GCNT1: variants seen among roughly 807,000 people sequenced by gnomAD.
GCNT1 encodes the protein beta-1,3-galactosyl-O-glycosyl-glycoprotein beta-1,6-N-acetylglucosaminyltransferase.
A neutral mutation model predicts 26.2 loss-of-function variants in GCNT1; 16 were observed. That is an observed-to-expected ratio of 0.61 (90% CI 0.41 to 0.93). GCNT1 has a LOEUF of 0.93. Ranked by LOEUF, GCNT1 falls within the 40% of genes least tolerant of loss-of-function variation. The probability of loss-of-function intolerance (pLI) is 0.00; values close to 1 mark genes in which losing one functional copy is unlikely to be tolerated. For synonymous variants in GCNT1, 183 were observed against 190.8 expected, an observed-to-expected ratio of 0.96 and a Z score of 0.34; for missense variants, 477 against 526.7, an observed-to-expected ratio of 0.91 and a Z score of 0.92.
At chr9:76,427,871 AG>A (rs1375814848) in intron 1 of GCNT1, among the ~76,000 whole-genome samples, 1 of 152,110 alleles carries the variant, frequency 6.6e-6, no homozygotes, top group Non-Finnish European at 1.5e-5. Flanking sequence ...AGTCCCAGAT[AG>A]TTGGGAGGCT....
upstream of GCNT1, among the ~76,000 whole-genome samples, chr9:76,441,077 A>AAAAAAAAC (rs1733488453): frequency 6.6e-6 from 1 of 151,120 alleles, no homozygotes; most frequent in African/African-American, 2.4e-5. Flanking sequence ...AAAAAAACAA[A>AAAAAAAAC]AAAACCTATG....
the GCNT1 span, among the ~76,000 whole-genome samples, chr9:76,401,680 G>A: frequency 1.3e-5 from 2 of 152,132 alleles, no homozygotes; most frequent in South Asian, 2.1e-4. Context: ...AGATGCCCAG[G>A]GAATGAATAA....
the GCNT1 span, among the ~76,000 whole-genome samples, chr9:76,396,265 C>T: frequency 2.0e-4 from 31 of 152,294 alleles, no homozygotes; most frequent in Non-Finnish European, 4.0e-4. Context: ...GTAATCCTCT[C>T]ATCAGCTTTG....
intron 2 of GCNT1, among the ~76,000 whole-genome samples, chr9:76,482,197 C>A (rs1440717689): frequency 2.6e-5 from 4 of 152,104 alleles, no homozygotes; most frequent in African/African-American, 7.2e-5. Flanking sequence ...TGCCTCCCAA[C>A]AAAGAGTTGT....
chr9:76,469,012 T>A (rs935253043), intron 2 of GCNT1, among the ~76,000 whole-genome samples: 4 of 152,198 alleles, frequency 2.6e-5, no homozygotes, highest in African/African-American at 9.7e-5. Context: ...TTTGTTAACT[T>A]TATGGGGCAC....
In GCNT1 at chr9:76,464,155, A is replaced by G. The variant is rs11144916; in HGVS notation, c.-290+3978A>G. Among the ~76,000 whole-genome samples, 288 of 152,082 alleles carry G rather than the reference A, an allele frequency of 1.9e-3. 6 individuals carry two copies. In the East Asian group the frequency reaches 0.044, roughly 23 times the overall value. On this transcript the variant is annotated intron_variant, in intron 2 of 3. Coordinates refer to ENST00000376730, the MANE Select transcript of GCNT1 (RefSeq NM_001490.5). Reference sequence around the variant, plus strand: ...TGAAAGAGTTGAGATCAAGAGTAAAATATGTCTTGGGTCATTTTTAGGATT... The same window carrying G: ...TGAAAGAGTTGAGATCAAGAGTAAAGTATGTCTTGGGTCATTTTTAGGATT...
intron 2 of GCNT1, among the ~76,000 whole-genome samples, 159 bp downstream of exon 2, chr9:76,460,336 G>A (rs1186112461): frequency 5.9e-5 from 9 of 152,236 alleles, no homozygotes; most frequent in African/African-American, 1.2e-4. Flanking sequence ...AAAGAAAGCC[G>A]TGGTGCCTTG....
At chr9:76,460,448 T>C (rs1042813268) in intron 2 of GCNT1, among the ~76,000 whole-genome samples, 2 of 152,222 alleles carry the variant, frequency 1.3e-5, no homozygotes, top group African/African-American at 4.8e-5. Flanking sequence ...TCTGCCCCCC[T>C]TCCAGAGCTG....
chr9:76,493,998 C>T (rs1349138460), intron 2 of GCNT1, among the ~76,000 whole-genome samples: 1 of 152,082 alleles, frequency 6.6e-6, no homozygotes, highest in Non-Finnish European at 1.5e-5. Context: ...GGATGCATTT[C>T]AAGGGTGAGC....
the GCNT1 span, among the ~76,000 whole-genome samples, chr9:76,400,236 T>TA: frequency 6.6e-6 from 1 of 152,306 alleles, no homozygotes; most frequent in Admixed American, 6.5e-5. Flanking sequence ...CTCTAAAAAG[T>TA]AGAGTCTATT....
chr9:76,463,323 G>T (rs1206468750), intron 2 of GCNT1, among the ~76,000 whole-genome samples: 1 of 152,192 alleles, frequency 6.6e-6, no homozygotes, highest in Admixed American at 6.5e-5. Flanking sequence ...ATTAAGCCAA[G>T]CACGGCCCAG....
At chr9:76,475,804 A>C (rs775215886) in intron 2 of GCNT1, among the ~76,000 whole-genome samples, 5 of 152,208 alleles carry the variant, frequency 3.3e-5, no homozygotes, top group Non-Finnish European at 7.3e-5. Flanking sequence ...TCATTACCAT[A>C]TCTCCATTTT....
the GCNT1 span, chr9:76,394,203 C>G: frequency 2.6e-6 from 4 of 1,556,734 alleles, no homozygotes; most frequent in Non-Finnish European, 3.5e-6. Context: ...GGGCTGCGGC[C>G]CGGTCTGCGC....
chr9:76,473,868 C>A (rs1166829774), intron 2 of GCNT1, among the ~76,000 whole-genome samples: 1 of 152,104 alleles, frequency 6.6e-6, no homozygotes, highest in Non-Finnish European at 1.5e-5. Flanking sequence ...TTTAGGAGGC[C>A]TAGGTGGATC....
At chr9:76,403,918 T>A in the GCNT1 span, among the ~76,000 whole-genome samples, 1 of 152,284 alleles carries the variant, frequency 6.6e-6, no homozygotes, top group Non-Finnish European at 1.5e-5. Context: ...GAGATAAAGA[T>A]GCTAAAAATT....
chr9:76,473,000 C>T (rs879304694), intron 2 of GCNT1, among the ~76,000 whole-genome samples: 66 of 152,144 alleles, frequency 4.3e-4, no homozygotes, highest in Non-Finnish European at 5.0e-4. Flanking sequence ...TTGCCCACCT[C>T]GGCCTCCTAA....
At chr9:76,425,929 A>G (rs1356331903) in intron 1 of GCNT1, among the ~76,000 whole-genome samples, 4 of 152,160 alleles carry the variant, frequency 2.6e-5, no homozygotes, top group Non-Finnish European at 4.4e-5. Flanking sequence ...CATCAAGTGC[A>G]GGGCCTGCAA....
chr9:76,479,064 GT>G (rs1322474443), intron 2 of GCNT1, among the ~76,000 whole-genome samples: 1 of 151,320 alleles, frequency 6.6e-6, no homozygotes, highest in African/African-American at 2.4e-5. Flanking sequence ...GTGTCCAAGT[GT>G]TCTCATTGCT....
intron 2 of GCNT1, among the ~76,000 whole-genome samples, chr9:76,467,933 GTC>G (rs1204770294): frequency 1.0e-5 from 1 of 95,884 alleles, no homozygotes; most frequent in Non-Finnish European, 1.9e-5. Flanking sequence ...TTTTGAGACA[GTC>G]TTGCTCTGTC....
Sources: allele counts gnomAD v4.1 joint callset (sites outside exome capture counted in the v4.1 genomes callset), GRCh38; gene constraint gnomAD v4.1.1; transcripts MANE v1.5; gene names NCBI Gene and HGNC (gene_info 2026-07-23, HGNC 2026-07-21).